Variants in TBX1 observed in about 807,000 individuals in gnomAD.
The protein encoded by TBX1 is T-box transcription factor 1, also known as T-box transcription factor TBX1.
Under a neutral mutation model 40.8 loss-of-function variants are expected in TBX1, and 16 were observed. That is an observed-to-expected ratio of 0.39 (90% CI 0.27 to 0.60). The LOEUF is 0.60. Among genes scored for constraint, TBX1 ranks in the 20% least tolerant of loss-of-function variants. The probability of loss-of-function intolerance (pLI) is 0.51; values close to 1 mark genes in which losing one functional copy is unlikely to be tolerated. For synonymous variants in TBX1, 403 were observed against 336.8 expected (o/e 1.20, Z -2.15); for missense variants, 755 against 728.5 (o/e 1.04, Z -0.42).
rs765377233 is a variant in TBX1, at chr22:19,761,290, C to T, written c.437+10C>T. ...TCACCAAGGCCGGCAGGTCAGGGCG[C>T]CCCTCCCCACGCCGCGACCCTCCCC... On this transcript the variant is annotated intron_variant, in intron 1 of 6. Coordinates refer to ENST00000649276, the MANE Select transcript of TBX1 (RefSeq NM_001379200.1). 29 of 1,540,564 alleles carry T rather than the reference C, an allele frequency of 1.9e-5. No homozygotes were observed. Among genetic ancestry groups the T allele is most frequent in the Non-Finnish European group, 2.5e-5 (28 of 1,140,688 alleles).
chr22:19,766,343 T>C, intron 6 of TBX1, 46 bp from the exon 7 acceptor site: 1 of 1,246,290 alleles, frequency 8.0e-7, no homozygotes, highest in Non-Finnish European at 1.0e-6. Flanking sequence ...TCGGAGCTCC[T>C]CGGCGGCCCC....
upstream of TBX1, among the ~76,000 whole-genome samples, chr22:19,756,902 G>T (rs891899705): frequency 1.3e-5 from 2 of 152,016 alleles, no homozygotes; most frequent in South Asian, 2.1e-4. Context: ...AGAGGAGTGT[G>T]GGCGGGTGGC....
At position 19,766,144 on chromosome 22, in the gene TBX1, C is replaced by T. The variant is rs926515158; in HGVS notation, c.1036+142C>T. 1.4e-5 allele frequency: 11 copies of T among 785,264 alleles called. No individual in the cohort carries two copies. In the African/African-American group the frequency reaches 1.7e-4, roughly 12 times the overall value. 48.6% of individuals were successfully genotyped at this position (785,264 alleles called of 1,614,324 possible). On this transcript the variant is annotated intron_variant, in intron 6 of 6. Transcript: ENST00000649276. ...CACAACGGCCGCGGCGGCGGGCAAG[C>T]GCGCACTCGCCCGCCCGGCCCGACG... is the stretch of plus-strand genomic sequence containing the variant.
chr22:19,781,351 G>T (rs1235659442), downstream of TBX1, among the ~76,000 whole-genome samples: 2 of 152,020 alleles, frequency 1.3e-5, no homozygotes, highest in African/African-American at 2.4e-5. Context: ...TGAATAACTG[G>T]GTACATACCA....
intron 8 of TBX1, among the ~76,000 whole-genome samples, chr22:19,773,611 T>C (rs2145847051): frequency 6.6e-6 from 1 of 152,234 alleles, no homozygotes; most frequent in South Asian, 2.1e-4. Context: ...CTGGGAAGCT[T>C]ACTGCAGGGC....
intron 1 of TBX1, among the ~76,000 whole-genome samples, chr22:19,762,067 T>G (rs1287840365): frequency 6.6e-6 from 1 of 152,226 alleles, no homozygotes; most frequent in Non-Finnish European, 1.5e-5. Context: ...TTCTCGTGGT[T>G]TCTGTTTCCC....
upstream of TBX1, chr22:19,759,658 C>A (rs764497467): frequency 4.3e-6 from 7 of 1,612,408 alleles, no homozygotes; most frequent in Admixed American, 1.2e-4. Context: ...ACTTCAGCAC[C>A]GTCACCAGGG....
chr22:19,756,905 C>CGGGTGGCG (rs1008960493), upstream of TBX1, among the ~76,000 whole-genome samples: 7 of 22,058 alleles, frequency 3.2e-4, no homozygotes, highest in African/African-American at 1.1e-3. Context: ...GGAGTGTGGG[C>CGGGTGGCG]GGGTGGCGGG....
chr22:19,770,821 G>A (rs1254759291), downstream of TBX1, among the ~76,000 whole-genome samples: 1 of 152,194 alleles, frequency 6.6e-6, no homozygotes, highest in Non-Finnish European at 1.5e-5. Flanking sequence ...CACTGGTGGA[G>A]GGAGAGTGAT....
At chr22:19,763,465 T>C in intron 2 of TBX1, 123 bp downstream of exon 2, 1 of 834,514 alleles carries the variant, frequency 1.2e-6, no homozygotes, top group Non-Finnish European at 1.9e-6. Context: ...CCTGCGATGC[T>C]GCCCGATCAA....
intron 8 of TBX1, among the ~76,000 whole-genome samples, chr22:19,776,857 G>A (rs555556501): frequency 6.6e-6 from 1 of 152,110 alleles, no homozygotes. Flanking sequence ...AAGGAAGCAG[G>A]CTCGGGAGGT....
downstream of TBX1, among the ~76,000 whole-genome samples, chr22:19,770,641 C>A (rs2061546761): frequency 6.6e-6 from 1 of 152,218 alleles, no homozygotes; most frequent in African/African-American, 2.4e-5. Flanking sequence ...AGGCCCCACC[C>A]TGCGGCGCAC....
upstream of TBX1, among the ~76,000 whole-genome samples, chr22:19,759,192 G>A (rs1382731435): frequency 6.6e-6 from 1 of 152,256 alleles, no homozygotes; most frequent in Non-Finnish European, 1.5e-5. Context: ...GCCTTGGCAG[G>A]AGCAACGGGA....
At chr22:19,783,338 C>G (rs1258342523), downstream of TBX1, 5 of 381,352 alleles carry the variant, frequency 1.3e-5, no homozygotes, top group Non-Finnish European at 2.5e-5. Flanking sequence ...GTCAGGAGGT[C>G]AAGTGTGCAT....
At chr22:19,768,204 C>T (rs901280726), downstream of TBX1, among the ~76,000 whole-genome samples, 1 of 152,200 alleles carries the variant, frequency 6.6e-6, no homozygotes, top group Admixed American at 6.5e-5. Context: ...CGTGCCTGTC[C>T]CAGTGTGTTT....
At position 19,767,100 on chromosome 22, in the gene TBX1, GC is replaced by G; in HGVS notation, c.*237del. On this transcript the variant is annotated 3_prime_UTR_variant, in exon 7 of 7. Transcript: ENST00000649276. ...TGGAGCCACCGCGGGTCCTTCCCCG[GC>G]CCCGAGGGCCAAGGGGGTCCCCGCC... is the stretch of plus-strand genomic sequence containing the variant. 4.0e-6 allele frequency: 5 copies of G among 1,258,632 alleles called. No individual in the cohort carries two copies. The highest frequency in any genetic ancestry group is 5.0e-6 in the Non-Finnish European group (5 of 1,004,136). The allele number at this position is 1,258,632 out of a possible 1,614,324, so 78.0% of individuals were successfully genotyped here. A position where few individuals can be genotyped will look rare whatever the true frequency, so the allele number is the denominator to read the frequency against.
rs1936643913 is a variant in TBX1 at position 19,761,091 on chromosome 22, CGGCCGCCGG to C, written c.256_264del (p.Gly86_Ala88del). Reference sequence around the variant, plus strand: ...CCGCCGCACGCCTACCCGTTTGCGCCGGCCGCCGGGGCCGCCACCAGCGCCGCCGCCGAG... The same window carrying C: ...CCGCCGCACGCCTACCCGTTTGCGCCGGCCGCCACCAGCGCCGCCGCCGAG... On this transcript the variant is annotated inframe_deletion, in exon 1 of 7. Coordinates refer to ENST00000649276, the MANE Select transcript of TBX1 (RefSeq NM_001379200.1). 3 of 1,089,934 alleles carry C rather than the reference CGGCCGCCGG, an allele frequency of 2.8e-6. No individual in the cohort carries two copies. The East Asian group carries it at 1.7e-4, about 63-fold the overall frequency. 67.5% of individuals were successfully genotyped at this position (1,089,934 alleles called of 1,614,324 possible). A position where few individuals can be genotyped will look rare whatever the true frequency, so the allele number is the denominator to read the frequency against.
chr22:19,764,688 G>A (rs1357771244), intron 3 of TBX1, among the ~76,000 whole-genome samples: 1 of 152,246 alleles, frequency 6.6e-6, no homozygotes, highest in Admixed American at 6.5e-5. Context: ...GCTTTATGGA[G>A]TCCAGGCCAG....
chr22:19,760,518 GGCCGGCCGACGGGCCCGGCGCACCGGTGA>G (rs1936611338), upstream of TBX1, among the ~76,000 whole-genome samples: 1 of 145,858 alleles, frequency 6.9e-6, no homozygotes, highest in African/African-American at 2.5e-5. Context: ...GCAGAGCGAG[GGCCGGCCGACGGGCCCGGCGCACCGGTGA>G]GCCGGTCCGG....
Sources: gnomAD v4.1 joint callset for allele counts (sites outside exome capture counted in the v4.1 genomes callset) on GRCh38, gnomAD v4.1.1 for gene constraint, MANE v1.5 for transcripts, NCBI Gene and HGNC (gene_info 2026-07-23, HGNC 2026-07-21) for gene names.